Variants in TTC28 observed in about 807,000 individuals in gnomAD.
TTC28 encodes tetratricopeptide repeat protein 28.
In TTC28, 61 loss-of-function variants were observed where a neutral mutation model predicts 198.0. The observed-to-expected ratio is 0.31, with a 90% CI of 0.25 to 0.38. The LOEUF (loss-of-function observed/expected upper bound fraction) is 0.38, where lower values mean the gene tolerates loss of function less well. Among genes scored for constraint, TTC28 ranks in the 10% least tolerant of loss-of-function variants. The pLI, the probability that TTC28 is intolerant of heterozygous loss-of-function variation, is 1.00. For synonymous variants in TTC28, 1,171 were observed against 1,297.8 expected, an observed-to-expected ratio of 0.90 and a Z score of 2.10; for missense variants, 2,678 against 3,164.0, an observed-to-expected ratio of 0.85 and a Z score of 3.69.
intron 6 of TTC28, among the ~76,000 whole-genome samples, chr22:28,108,979 T>C (rs1006997429): frequency 3.3e-5 from 5 of 152,210 alleles, no homozygotes; most frequent in Non-Finnish European, 5.9e-5. Context: ...TGTCCTAAAA[T>C]TGGTAAACAC....
chr22:28,315,174 A>G (rs2045333346), intron 2 of TTC28, among the ~76,000 whole-genome samples: 1 of 152,176 alleles, frequency 6.6e-6, no homozygotes, highest in African/African-American at 2.4e-5. Flanking sequence ...GGAATGCAGA[A>G]TGTCAAGTTT....
chr22:28,163,653 T>C (rs1048774428), intron 5 of TTC28, 54 bp from the exon 6 acceptor site: 5 of 1,462,882 alleles, frequency 3.4e-6, no homozygotes, highest in Non-Finnish European at 3.6e-6. Flanking sequence ...ATGGTTTTGG[T>C]ATATTTTGGC....
intron 6 of TTC28, among the ~76,000 whole-genome samples, chr22:28,140,427 C>T (rs144886277): frequency 8.5e-5 from 13 of 152,300 alleles, no homozygotes; most frequent in African/African-American, 2.9e-4. Flanking sequence ...CTGACAGCAA[C>T]GCTGTCCACA....
chr22:28,326,068 C>G (rs1490281346), intron 2 of TTC28, among the ~76,000 whole-genome samples: 1 of 152,090 alleles, frequency 6.6e-6, no homozygotes, highest in Non-Finnish European at 1.5e-5. Context: ...TTTCCCCAAA[C>G]TAGAAACAAT....
intron 5 of TTC28, among the ~76,000 whole-genome samples, chr22:28,199,088 C>A (rs2147147513): frequency 6.6e-6 from 1 of 152,106 alleles, no homozygotes; most frequent in African/African-American, 2.4e-5. Context: ...TCTTTAAAAG[C>A]ATATTTCTAG....
At chr22:28,160,613 C>T (rs1921055748) in intron 6 of TTC28, among the ~76,000 whole-genome samples, 2 of 152,198 alleles carry the variant, frequency 1.3e-5, no homozygotes, top group Non-Finnish European at 1.5e-5. Flanking sequence ...ACAATTTATA[C>T]ACACATGTAT....
chr22:28,611,454 C>G (rs1436355620), intron 2 of TTC28, among the ~76,000 whole-genome samples: 1 of 151,106 alleles, frequency 6.6e-6, no homozygotes, highest in African/African-American at 2.4e-5. Context: ...AATTTCATAT[C>G]CAGCCAAACT....
intron 2 of TTC28, among the ~76,000 whole-genome samples, chr22:28,596,299 G>A (rs2050542476): frequency 6.6e-6 from 1 of 152,140 alleles, no homozygotes; most frequent in Non-Finnish European, 1.5e-5. Context: ...AGTGTAGTGG[G>A]CAAAGCAGTG....
At chr22:28,303,183 C>A (rs773468792) in intron 3 of TTC28, among the ~76,000 whole-genome samples, 43 of 152,150 alleles carry the variant, frequency 2.8e-4, no homozygotes, top group Non-Finnish European at 5.3e-4. Flanking sequence ...AAGGTAAACT[C>A]AATCTCACTT....
chr22:28,567,720 T>C (rs2050002745), intron 2 of TTC28, among the ~76,000 whole-genome samples: 2 of 151,216 alleles, frequency 1.3e-5, no homozygotes, highest in African/African-American at 4.9e-5. Flanking sequence ...CTTGAGAAAG[T>C]ATACCACCAA....
intron 2 of TTC28, among the ~76,000 whole-genome samples, chr22:28,429,092 C>T (rs996123927): frequency 7.9e-5 from 12 of 152,170 alleles, no homozygotes; most frequent in African/African-American, 2.7e-4. Flanking sequence ...TAGCCAGCAC[C>T]TGGCACATAG....
intron 13 of TTC28, among the ~76,000 whole-genome samples, chr22:28,018,136 A>G (rs998864640): frequency 3.3e-5 from 5 of 151,862 alleles, no homozygotes; most frequent in African/African-American, 1.2e-4. Context: ...CTGGGCACTG[A>G]CCCTAGCCAG....
intron 14 of TTC28, 25 bp downstream of exon 14, chr22:28,014,223 C>A: frequency 1.3e-6 from 2 of 1,542,196 alleles, no homozygotes; most frequent in African/African-American, 1.4e-5. Flanking sequence ...TGCGGAGGAG[C>A]CTTGTGCCCC....
At chr22:28,405,705 T>A (rs1422999450) in intron 2 of TTC28, among the ~76,000 whole-genome samples, 2 of 152,182 alleles carry the variant, frequency 1.3e-5, no homozygotes, top group African/African-American at 4.8e-5. Context: ...AGGACTCAAC[T>A]CTGGACCAGA....
At chr22:28,334,601 A>G (rs2045675812) in intron 2 of TTC28, among the ~76,000 whole-genome samples, 1 of 152,204 alleles carries the variant, frequency 6.6e-6, no homozygotes. Flanking sequence ...TCTGATGGCC[A>G]GTGATGGTGA....
intron 2 of TTC28, among the ~76,000 whole-genome samples, chr22:28,610,922 G>T (rs2050807820): frequency 6.6e-6 from 1 of 152,006 alleles, no homozygotes; most frequent in African/African-American, 2.4e-5. Flanking sequence ...ACTTCATGAA[G>T]CATACACAAG....
chr22:28,410,586 C>T (rs903896282), intron 2 of TTC28, among the ~76,000 whole-genome samples: 2 of 152,074 alleles, frequency 1.3e-5, no homozygotes, highest in Admixed American at 6.5e-5. Context: ...TAAGCACAGA[C>T]CTTAGTAATC....
chr22:28,476,395 G>T (rs919113332), intron 2 of TTC28, among the ~76,000 whole-genome samples: 1 of 151,978 alleles, frequency 6.6e-6, no homozygotes, highest in Non-Finnish European at 1.5e-5. Context: ...TTCCAGTTTT[G>T]TTCCTATTAC....
chr22:28,331,788 C>T (rs1217488279), intron 2 of TTC28, among the ~76,000 whole-genome samples: 2 of 152,046 alleles, frequency 1.3e-5, no homozygotes, highest in African/African-American at 2.4e-5. Flanking sequence ...GCTAAGCATG[C>T]TCCCCAGCTA....
Sources: gnomAD v4.1 joint callset for allele counts (sites outside exome capture counted in the v4.1 genomes callset) on GRCh38, gnomAD v4.1.1 for gene constraint, MANE v1.5 for transcripts, NCBI Gene and HGNC (gene_info 2026-07-23, HGNC 2026-07-21) for gene names.